The following FBXO11 variants were observed in gnomAD, a reference collection of about 807,000 sequenced individuals.
FBXO11 encodes the protein F-box only protein 11.
Under a neutral mutation model 117.0 loss-of-function variants are expected in FBXO11, and 13 were observed. The ratio of observed to expected loss-of-function variants is 0.11; its 90% CI spans 0.07 to 0.18. The LOEUF (loss-of-function observed/expected upper bound fraction) is 0.18, where lower values mean the gene tolerates loss of function less well. Among genes scored for constraint, FBXO11 ranks in the 10% least tolerant of loss-of-function variants. FBXO11 has a pLI of 1.00. For missense variants in FBXO11, 767 were observed against 1,164.4 expected (o/e 0.66, Z 4.97); for synonymous variants, 490 against 380.5 (o/e 1.29, Z -3.35).
chr2:47,902,930 A>C (rs945890327), intron 1 of FBXO11, among the ~76,000 whole-genome samples: 20 of 151,904 alleles, frequency 1.3e-4, no homozygotes, highest in Admixed American at 5.2e-4. Context: ...AAAAAAAAAA[A>C]AACAAAAACC....
chr2:47,848,338 T>G (rs904830097), intron 1 of FBXO11, among the ~76,000 whole-genome samples: 1 of 151,978 alleles, frequency 6.6e-6, no homozygotes, highest in African/African-American at 2.4e-5. Context: ...CTCATAGGAG[T>G]GTGAACCCTA....
chr2:47,821,816 C>T (rs950296307), intron 13 of FBXO11, among the ~76,000 whole-genome samples: 2 of 151,794 alleles, frequency 1.3e-5, no homozygotes, highest in Admixed American at 6.6e-5. Flanking sequence ...TAAAGGGCAG[C>T]GCATGAGACT....
chr2:47,834,375 G>T (rs1558425409), intron 7 of FBXO11, among the ~76,000 whole-genome samples: 1 of 151,708 alleles, frequency 6.6e-6, no homozygotes, highest in Non-Finnish European at 1.5e-5. Flanking sequence ...GTTGGGGGGG[G>T]CGGGGAGAAA....
chr2:47,856,347 A>T (rs970319109), intron 1 of FBXO11, among the ~76,000 whole-genome samples: 6 of 152,246 alleles, frequency 3.9e-5, no homozygotes, highest in Non-Finnish European at 7.3e-5. Flanking sequence ...ACTAAGGTGT[A>T]AACACCAAAA....
chr2:47,835,564 T>C (rs1002843708), intron 5 of FBXO11, among the ~76,000 whole-genome samples: 7 of 152,056 alleles, frequency 4.6e-5, no homozygotes, highest in Admixed American at 3.9e-4. Flanking sequence ...AGCAGTGCAA[T>C]GTCAGCTCTC....
intron 18 of FBXO11, 47 bp from the exon 19 acceptor site, chr2:47,810,473 C>A (rs1670536094): frequency 1.7e-6 from 2 of 1,174,868 alleles, no homozygotes; most frequent in East Asian, 2.5e-5. Flanking sequence ...ATATAACAGA[C>A]TACTAACCTT....
intron 1 of FBXO11, among the ~76,000 whole-genome samples, chr2:47,904,687 C>CA (rs1246861380): frequency 6.6e-6 from 1 of 151,864 alleles, no homozygotes; most frequent in Non-Finnish European, 1.5e-5. Flanking sequence ...CGGAGAGTAG[C>CA]ACCGCGGCAT....
chr2:47,870,518 G>A (rs1675545853), intron 1 of FBXO11, among the ~76,000 whole-genome samples: 2 of 152,160 alleles, frequency 1.3e-5, no homozygotes, highest in South Asian at 4.1e-4. Flanking sequence ...AACACAGAGG[G>A]AGAATGCTAT....
chr2:47,896,833 A>T (rs1033557131), intron 1 of FBXO11, among the ~76,000 whole-genome samples: 1 of 152,170 alleles, frequency 6.6e-6, no homozygotes, highest in Non-Finnish European at 1.5e-5. Flanking sequence ...GTGAGTCTAT[A>T]ATTTCCTTTA....
intron 1 of FBXO11, among the ~76,000 whole-genome samples, chr2:47,854,170 G>T (rs891666107): frequency 1.3e-5 from 2 of 151,420 alleles, no homozygotes; most frequent in Non-Finnish European, 2.9e-5. Flanking sequence ...AGAGAAAACA[G>T]TTACTTAATG....
chr2:47,818,922 G>C, intron 15 of FBXO11, 34 bp downstream of exon 15: 2 of 1,583,882 alleles, frequency 1.3e-6, no homozygotes, highest in Non-Finnish European at 8.6e-7. Flanking sequence ...ACAAAACAAT[G>C]TATTTCCCAT....
At position 47,857,454 on chromosome 2, in the gene FBXO11, A is replaced by G. The variant is rs1034875282; in HGVS notation, c.233-17685T>C. Among the ~76,000 whole-genome samples the G allele has an allele frequency of 4.6e-5, 7 of 152,188 alleles. No homozygotes were observed. In the East Asian group the frequency reaches 9.6e-4, roughly 21 times the overall value. Reference sequence around the variant, plus strand: ...TATGGTCTCATACAGACATACATATAGCTATACTATATATGCAACCAGATC... The same window carrying G: ...TATGGTCTCATACAGACATACATATGGCTATACTATATATGCAACCAGATC... On this transcript the variant is annotated intron_variant, in intron 1 of 22. Coordinates refer to ENST00000403359, the MANE Select transcript of FBXO11 (RefSeq NM_001190274.2).
intron 1 of FBXO11, among the ~76,000 whole-genome samples, chr2:47,858,064 T>TA (rs376385321): frequency 6.6e-6 from 1 of 152,154 alleles, no homozygotes; most frequent in Non-Finnish European, 1.5e-5. Context: ...TGGGTCACTA[T>TA]AAAAGAGCGT....
chr2:47,821,485 C>G (rs1671376056), intron 13 of FBXO11, among the ~76,000 whole-genome samples: 1 of 152,102 alleles, frequency 6.6e-6, no homozygotes, highest in Non-Finnish European at 1.5e-5. Flanking sequence ...TGGCGGGCGC[C>G]TGTAGTCCCA....
intron 1 of FBXO11, among the ~76,000 whole-genome samples, chr2:47,901,929 C>T (rs1201967497): frequency 6.6e-6 from 1 of 152,100 alleles, no homozygotes; most frequent in Non-Finnish European, 1.5e-5. Context: ...ATTGTCACTG[C>T]GTAAAATACA....
At chr2:47,853,075 A>T (rs897449499) in intron 1 of FBXO11, among the ~76,000 whole-genome samples, 5 of 146,982 alleles carry the variant, frequency 3.4e-5, no homozygotes, top group Non-Finnish European at 6.0e-5. Flanking sequence ...AATTTGAAGA[A>T]TTTTTTTTTT....
At chr2:47,863,759 G>A (rs1674973279) in intron 1 of FBXO11, among the ~76,000 whole-genome samples, 1 of 152,060 alleles carries the variant, frequency 6.6e-6, no homozygotes, top group Admixed American at 6.6e-5. Flanking sequence ...TGGCTAACAG[G>A]GTGGAACCAC....
At chr2:47,893,213 G>T (rs1171755049) in intron 1 of FBXO11, among the ~76,000 whole-genome samples, 1 of 148,224 alleles carries the variant, frequency 6.7e-6, no homozygotes, top group Non-Finnish European at 1.5e-5. Context: ...AGACCGTGGG[G>T]GTCAAAACAA....
At chr2:47,890,352 T>C (rs1677166266) in intron 1 of FBXO11, among the ~76,000 whole-genome samples, 1 of 152,142 alleles carries the variant, frequency 6.6e-6, no homozygotes, top group African/African-American at 2.4e-5. Context: ...CTAAAGTTGC[T>C]GTGAATAAAA....
Sources: gnomAD v4.1 joint callset for allele counts (sites outside exome capture counted in the v4.1 genomes callset) on GRCh38, gnomAD v4.1.1 for gene constraint, MANE v1.5 for transcripts, NCBI Gene and HGNC (gene_info 2026-07-23, HGNC 2026-07-21) for gene names.